The following TMTC2 variants were observed in gnomAD, a reference collection of about 807,000 sequenced individuals.
TMTC2 encodes the protein protein O-mannosyl-transferase TMTC2.
In TMTC2, 43 loss-of-function variants were observed where a neutral mutation model predicts 82.4. The observed-to-expected ratio is 0.52, with a 90% CI of 0.41 to 0.67. The LOEUF is 0.67. Among genes scored for constraint, TMTC2 ranks in the 30% least tolerant of loss-of-function variants. The pLI, the probability that TMTC2 is intolerant of heterozygous loss-of-function variation, is 0.00. For synonymous variants in TMTC2, 408 were observed against 381.9 expected, an observed-to-expected ratio of 1.07 and a Z score of -0.80; for missense variants, 919 against 1,012.4, an observed-to-expected ratio of 0.91 and a Z score of 1.25.
intron 1 of TMTC2, among the ~76,000 whole-genome samples, chr12:82,823,789 T>G (rs914944865): frequency 2.0e-5 from 3 of 152,198 alleles, no homozygotes; most frequent in African/African-American, 4.8e-5. Flanking sequence ...CTAAATCTCT[T>G]CTGTACTTCT....
chr12:82,719,050 T>C (rs562368384), intron 1 of TMTC2, among the ~76,000 whole-genome samples: 5 of 137,880 alleles, frequency 3.6e-5, no homozygotes, highest in African/African-American at 1.3e-4. Flanking sequence ...TCTACAGCTT[T>C]AGATGATTTT....
intron 7 of TMTC2, among the ~76,000 whole-genome samples, chr12:82,974,203 T>C (rs1878568788): frequency 6.6e-6 from 1 of 152,120 alleles, no homozygotes; most frequent in Admixed American, 6.6e-5. Flanking sequence ...ACTCCATCTC[T>C]ACATACCCAC....
chr12:82,940,050 C>T (rs1419350292), intron 4 of TMTC2, among the ~76,000 whole-genome samples: 10 of 93,366 alleles, frequency 1.1e-4, no homozygotes, highest in Non-Finnish European at 6.0e-5. Flanking sequence ...GACGGAGTTT[C>T]GCTCTTGTTG....
At chr12:82,929,062 G>A (rs1290600661) in intron 3 of TMTC2, among the ~76,000 whole-genome samples, 3 of 151,838 alleles carry the variant, frequency 2.0e-5, no homozygotes, top group African/African-American at 7.3e-5. Context: ...CACTGTGTTT[G>A]TTTTTTTGTT....
chr12:82,745,816 T>C (rs1359863206), intron 1 of TMTC2, among the ~76,000 whole-genome samples: 1 of 152,238 alleles, frequency 6.6e-6, no homozygotes, highest in Non-Finnish European at 1.5e-5. Flanking sequence ...TGTGGTGACT[T>C]AATTCAGAGC....
chr12:82,973,501 G>T (rs1878535705), intron 7 of TMTC2, among the ~76,000 whole-genome samples: 1 of 152,032 alleles, frequency 6.6e-6, no homozygotes, highest in African/African-American at 2.4e-5. Flanking sequence ...CAAAAATAAT[G>T]AATATATGAA....
chr12:83,113,520 T>C (rs1884660976), intron 11 of TMTC2, among the ~76,000 whole-genome samples: 2 of 152,330 alleles, frequency 1.3e-5, no homozygotes, highest in African/African-American at 2.4e-5. Context: ...GCAGAAGTTC[T>C]ACCATTAATA....
At chr12:82,974,858 C>A (rs774508886) in intron 7 of TMTC2, among the ~76,000 whole-genome samples, 1 of 152,240 alleles carries the variant, frequency 6.6e-6, no homozygotes, top group South Asian at 2.1e-4. Flanking sequence ...AGATTCTTTT[C>A]GGCCTCTCTT....
chr12:83,089,063 A>C (rs1053815695), intron 11 of TMTC2, among the ~76,000 whole-genome samples: 1 of 152,114 alleles, frequency 6.6e-6, no homozygotes, highest in African/African-American at 2.4e-5. Flanking sequence ...CTAAATAAGC[A>C]CCTTTATAAA....
intron 8 of TMTC2, among the ~76,000 whole-genome samples, chr12:83,004,252 G>C (rs1194489101): frequency 1.3e-5 from 2 of 152,012 alleles, no homozygotes; most frequent in African/African-American, 4.8e-5. Context: ...TCTTAAAATG[G>C]CTATTGCATC....
chr12:82,739,759 A>AG (rs1280955959), intron 1 of TMTC2, among the ~76,000 whole-genome samples: 1 of 149,240 alleles, frequency 6.7e-6, no homozygotes, highest in Non-Finnish European at 1.5e-5. Flanking sequence ...CAAGCGTCCA[A>AG]GTTTATCTAT....
intron 1 of TMTC2, among the ~76,000 whole-genome samples, chr12:82,797,757 A>G (rs1420050735): frequency 6.6e-6 from 1 of 152,022 alleles, no homozygotes; most frequent in African/African-American, 2.4e-5. Context: ...TTTTAGGTAG[A>G]CAGAACCAGG....
chr12:82,798,428 C>T (rs1565754929), intron 1 of TMTC2, among the ~76,000 whole-genome samples: 2 of 141,770 alleles, frequency 1.4e-5, no homozygotes, highest in Admixed American at 7.3e-5. Flanking sequence ...ACCTGGGAGG[C>T]GGAGCTTGCA....
rs535631899 is a variant in TMTC2, at chr12:82,891,394, C to T, written c.655-4424C>T. Among the ~76,000 whole-genome samples, 67 of 152,232 alleles carry T rather than the reference C, an allele frequency of 4.4e-4. No homozygotes were observed. The South Asian group carries it at 5.2e-3, about 12-fold the overall frequency. Reference sequence around the variant, plus strand: ...CGGGGCCTCGGCTCACTGCAACCTCCGCCTCCTGGGTTCAAGCGATTCTGC... The same window carrying T: ...CGGGGCCTCGGCTCACTGCAACCTCTGCCTCCTGGGTTCAAGCGATTCTGC... On this transcript the variant is annotated intron_variant, in intron 2 of 11. Coordinates refer to ENST00000321196, the MANE Select transcript of TMTC2 (RefSeq NM_152588.3).
At chr12:82,954,148 T>C (rs527400419) in intron 4 of TMTC2, among the ~76,000 whole-genome samples, 1 of 152,326 alleles carries the variant, frequency 6.6e-6, no homozygotes, top group South Asian at 2.1e-4. Flanking sequence ...GTCATTTTAT[T>C]TTCATGAAGC....
chr12:82,882,532 G>A (rs1362504645), intron 2 of TMTC2, among the ~76,000 whole-genome samples: 2 of 152,010 alleles, frequency 1.3e-5, no homozygotes, highest in African/African-American at 2.4e-5. Context: ...GTGGGGGTGA[G>A]GGGAAGAGGA....
chr12:83,054,197 T>C (rs752916995), intron 10 of TMTC2, among the ~76,000 whole-genome samples: 24 of 152,126 alleles, frequency 1.6e-4, no homozygotes, highest in Non-Finnish European at 3.2e-4. Flanking sequence ...AAGTAAACTT[T>C]GTTGTCTTAA....
chr12:82,738,373 A>G (rs1875223964), intron 1 of TMTC2, among the ~76,000 whole-genome samples: 1 of 152,116 alleles, frequency 6.6e-6, no homozygotes, highest in Admixed American at 6.6e-5. Context: ...GCTTATTAGG[A>G]CATTTCTTAT....
intron 1 of TMTC2, among the ~76,000 whole-genome samples, chr12:82,766,076 C>A (rs1326399830): frequency 1.3e-5 from 2 of 152,148 alleles, no homozygotes; most frequent in African/African-American, 4.8e-5. Context: ...GACAGTTTCA[C>A]AGTTAAAAGA....
Sources: gnomAD v4.1 joint callset for allele counts (sites outside exome capture counted in the v4.1 genomes callset) on GRCh38, gnomAD v4.1.1 for gene constraint, MANE v1.5 for transcripts, NCBI Gene and HGNC (gene_info 2026-07-23, HGNC 2026-07-21) for gene names.